CTNND1: variants seen among roughly 807,000 people sequenced by gnomAD.
CTNND1 encodes catenin delta 1.
A neutral mutation model predicts 112.1 loss-of-function variants in CTNND1; 16 were observed. The ratio of observed to expected loss-of-function variants is 0.14; its 90% CI spans 0.10 to 0.22. CTNND1 has a LOEUF of 0.22. CTNND1 is among the 10% of genes least tolerant of loss of function. CTNND1 has a pLI of 1.00. For missense variants in CTNND1, 1,008 were observed against 1,257.0 expected, an observed-to-expected ratio of 0.80 and a Z score of 3.00; for synonymous variants, 420 against 446.5, an observed-to-expected ratio of 0.94 and a Z score of 0.75.
Position 57,789,138 on chromosome 11 carries a change from G to T in CTNND1, c.-112G>T. The stretch of plus-strand genomic sequence containing the variant: ...GTTCTCTGTGTTAAACCAATCAGTT[G>T]CGACCTTCTCTTAACAGGTGTGTAT... On this transcript the variant is annotated 5_prime_UTR_variant, in exon 2 of 21. Transcript: ENST00000399050. 1 of 1,532,372 alleles carries T rather than the reference G, an allele frequency of 6.5e-7. No homozygotes were observed. Among genetic ancestry groups the T allele is most frequent in the South Asian group, 1.2e-5 (1 of 83,282 alleles). The allele number at this position is 1,532,372 out of a possible 1,614,324, so 94.9% of individuals were successfully genotyped here.
intron 1 of CTNND1, among the ~76,000 whole-genome samples, chr11:57,772,843 C>T (rs1438584492): frequency 6.6e-6 from 1 of 152,014 alleles, no homozygotes; most frequent in Non-Finnish European, 1.5e-5. Flanking sequence ...CTCTCTCCCT[C>T]TCCCTCTTTC....
chr11:57,809,995 G>A, intron 15 of CTNND1, 114 bp from the exon 16 acceptor site: 1 of 626,346 alleles, frequency 1.6e-6, no homozygotes, highest in Non-Finnish European at 2.5e-6. Context: ...ACAGGCAGGA[G>A]CCACTGTGCC....
chr11:57,787,859 G>A (rs2060294542), intron 1 of CTNND1, among the ~76,000 whole-genome samples: 1 of 152,214 alleles, frequency 6.6e-6, no homozygotes, highest in Non-Finnish European at 1.5e-5. Context: ...GGAAGCTAAT[G>A]TTTCTCCAGA....
intron 1 of CTNND1, among the ~76,000 whole-genome samples, chr11:57,787,030 G>A (rs1175619355): frequency 6.6e-6 from 1 of 152,156 alleles, no homozygotes; most frequent in Non-Finnish European, 1.5e-5. Context: ...GCTATTAACT[G>A]TGAGACCTTG....
At chr11:57,766,441 T>C (rs1951100606) in intron 1 of CTNND1, among the ~76,000 whole-genome samples, 1 of 152,230 alleles carries the variant, frequency 6.6e-6, no homozygotes, top group Non-Finnish European at 1.5e-5. Flanking sequence ...CGAAATTAGT[T>C]TTCTTGGGTA....
intron 1 of CTNND1, among the ~76,000 whole-genome samples, chr11:57,772,846 CCTCTTTCTCT>C (rs1275425856): frequency 4.0e-5 from 6 of 151,840 alleles, no homozygotes; most frequent in African/African-American, 9.7e-5. Flanking sequence ...TCTCCCTCTC[CCTCTTTCTCT>C]CTCTTTCTCT....
chr11:57,814,348 T>C lies in CTNND1; in HGVS notation c.2676T>C (p.Asn892=), dbSNP rs376807247. ...ATCGGGAAGAAATTCAGATGAGCAA[T>C]ATGGGATCAAACACAAAATCACTAG... ...KPDREEIQMS[N]MGSNTKSLDN... Residue 892 remains asparagine (N), a synonymous_variant, in exon 18 of 21, where the codon AAT becomes AAC. Transcript: ENST00000399050. 5.0e-6 allele frequency: 8 copies of C among 1,611,682 alleles called. No individual in the cohort carries two copies.
intron 1 of CTNND1, among the ~76,000 whole-genome samples, chr11:57,783,236 AGATGACGGCATTGCATCTGGGC>A (rs1296341948): frequency 1.3e-5 from 2 of 152,012 alleles, no homozygotes; most frequent in Non-Finnish European, 2.9e-5. Flanking sequence ...CAGTGAGCCG[AGATGACGGCATTGCATCTGGGC>A]GACAGAGCAA....
At chr11:57,807,015 A>T in intron 12 of CTNND1, 32 bp downstream of exon 12, 1 of 1,504,352 alleles carries the variant, frequency 6.6e-7, no homozygotes, top group Non-Finnish European at 9.1e-7. Flanking sequence ...CAAAGGTCTC[A>T]TAAACATAGT....
At chr11:57,804,629 T>C (rs779939095) in intron 8 of CTNND1, 34 bp from the exon 9 acceptor site, 1 of 1,536,278 alleles carries the variant, frequency 6.5e-7, no homozygotes, top group Non-Finnish European at 9.0e-7. Flanking sequence ...ATTTCTGGAT[T>C]TGAGTCATCT....
intron 2 of CTNND1, among the ~76,000 whole-genome samples, chr11:57,790,068 C>T (rs1372350699): frequency 6.6e-6 from 1 of 152,058 alleles, no homozygotes; most frequent in African/African-American, 2.4e-5. Flanking sequence ...AAAGTAGAAA[C>T]GCCCTTTTAT....
chr11:57,789,182 A>G, intron 2 of CTNND1, 27 bp downstream of exon 2: 1 of 1,369,794 alleles, frequency 7.3e-7, no homozygotes, highest in Non-Finnish European at 9.6e-7. Flanking sequence ...GTTTATTAAG[A>G]AGGAAAAATC....
chr11:57,770,927 C>T (rs1211776040), intron 1 of CTNND1, among the ~76,000 whole-genome samples: 1 of 151,798 alleles, frequency 6.6e-6, no homozygotes, highest in African/African-American at 2.4e-5. Context: ...GATTTATTTC[C>T]TGCTTTGTTG....
chr11:57,800,062 A>G (rs1320553523), intron 6 of CTNND1, among the ~76,000 whole-genome samples: 1 of 126,568 alleles, frequency 7.9e-6, no homozygotes, highest in South Asian at 2.4e-4. Flanking sequence ...ATCTGGTATT[A>G]TACCCAGGAG....
Position 57,796,661 on chromosome 11 carries a change from C to G in CTNND1, c.625C>G (p.Pro209Ala). ...TATLPRNFHY[P>A]PDGYSRHYED... ...TACCCTTCCTAGGAACTTCCACTAC[C>G]CTCCTGATGGTTATAGTCGCCACTA... The change falls in exon 6 of 21, where the codon CCT (proline) becomes GCT (alanine). Residue 209 changes from proline to alanine, a missense_variant. Transcript: ENST00000399050. 2 of 1,614,014 alleles carry G rather than the reference C, an allele frequency of 1.2e-6. No homozygotes were observed. Among genetic ancestry groups the G allele is most frequent in the Non-Finnish European group, 1.7e-6 (2 of 1,179,890 alleles).
At chr11:57,798,833 TTTTAA>T (rs2061670876) in intron 6 of CTNND1, among the ~76,000 whole-genome samples, 1 of 152,220 alleles carries the variant, frequency 6.6e-6, no homozygotes, top group Non-Finnish European at 1.5e-5. Context: ...TCAAACAATC[TTTTAA>T]AAATAGCATT....
intron 4 of CTNND1, among the ~76,000 whole-genome samples, chr11:57,795,268 T>G (rs1349806534): frequency 6.6e-6 from 1 of 152,214 alleles, no homozygotes; most frequent in Middle Eastern, 3.2e-3. Flanking sequence ...TAGATGAAAC[T>G]GCATTTAACA....
At position 57,812,525 on chromosome 11, in the gene CTNND1, G is replaced by GA. The variant is rs796176463; in HGVS notation, c.2638+1049dup. Among the ~76,000 whole-genome samples the GA allele has an allele frequency of 3.9e-4, 58 of 147,994 alleles. 1 individual carries two copies. The highest frequency in any genetic ancestry group is 1.1e-3 in the African/African-American group (45 of 40,454). On this transcript the variant is annotated intron_variant, in intron 17 of 20. Transcript: ENST00000399050. ...ACAGAGTTGAGACTCCGTATCAAAA[G>GA]AAAAAAAAAATCACTTTTATTGTTT...
At chr11:57,772,452 T>A (rs1952928331) in intron 1 of CTNND1, among the ~76,000 whole-genome samples, 1 of 152,164 alleles carries the variant, frequency 6.6e-6, no homozygotes, top group Admixed American at 6.5e-5. Flanking sequence ...TGTTTCCCCA[T>A]GCCCTGATTG....
Sources: allele counts gnomAD v4.1 joint callset (sites outside exome capture counted in the v4.1 genomes callset), GRCh38; gene constraint gnomAD v4.1.1; transcripts MANE v1.5; gene names NCBI Gene and HGNC (gene_info 2026-07-23, HGNC 2026-07-21).